KCNQ1: variants seen among roughly 807,000 people sequenced by gnomAD.
KCNQ1 encodes the protein potassium voltage-gated channel subfamily Q member 1.
KCNQ1 carries 49 observed loss-of-function variants against 72.4 expected under a neutral mutation model. That is an observed-to-expected ratio of 0.68 (90% CI 0.54 to 0.86). The LOEUF is 0.86. KCNQ1 is among the 40% of genes least tolerant of loss of function. The probability of loss-of-function intolerance (pLI) is 0.00; values close to 1 mark genes in which losing one functional copy is unlikely to be tolerated. For missense variants in KCNQ1, 790 were observed against 945.1 expected (o/e 0.84, Z 2.15); for synonymous variants, 450 against 412.6 (o/e 1.09, Z -1.10).
intron 1 of KCNQ1, among the ~76,000 whole-genome samples, chr11:2,499,598 A>G (rs1222591127): frequency 6.6e-6 from 1 of 151,348 alleles, no homozygotes; most frequent in African/African-American, 2.4e-5. Context: ...ATACACATAG[A>G]CTGAAAATTA....
intron 11 of KCNQ1, chr11:2,688,205 C>G (rs1850524942): frequency 7.5e-6 from 3 of 398,696 alleles, no homozygotes; most frequent in African/African-American, 4.1e-5. Context: ...AGGGGCTGCA[C>G]TGAGCCCACC....
In KCNQ1 at chr11:2,733,864, C is replaced by CCCT. The variant is rs55641944; in HGVS notation, c.1515-34980_1515-34979insCCT. Among the ~76,000 whole-genome samples the CCCT allele has an allele frequency of 2.8e-4, 27 of 96,420 alleles. 2 individuals carry two copies. Among genetic ancestry groups the CCCT allele is most frequent in the African/African-American group, 1.0e-3 (24 of 23,836 alleles). The allele number at this position is 96,420 out of a possible 152,430, so 63.3% of individuals were successfully genotyped here. ...CTCTCTCTCTCTCTCTCTCCCCCCCCACTTCAGGGCCTTCGCGCCCGCTGT... is the reference window on the plus strand; with the variant it reads ...CTCTCTCTCTCTCTCTCTCCCCCCCCCCTACTTCAGGGCCTTCGCGCCCGCTGT... On this transcript the variant is annotated intron_variant, in intron 11 of 15. Transcript: ENST00000155840.
At chr11:2,629,638 C>T (rs1262914842) in intron 10 of KCNQ1, 2 of 398,270 alleles carry the variant, frequency 5.0e-6, no homozygotes, top group African/African-American at 2.1e-5. Context: ...ATCATGCGTT[C>T]ATATATGAAA....
At chr11:2,688,648 CAT>C (rs1450559379) in intron 11 of KCNQ1, 1 of 398,700 alleles carries the variant, frequency 2.5e-6, no homozygotes, top group East Asian at 3.6e-5. Flanking sequence ...GCCTCCTAAA[CAT>C]AGGGCTGCCT....
Position 2,725,628 on chromosome 11 carries a change from C to T in KCNQ1, c.1515-43216C>T, listed in dbSNP as rs2283209. Among the ~76,000 whole-genome samples, 1,126 of 152,328 alleles carry T rather than the reference C, an allele frequency of 7.4e-3. 50 individuals carry two copies. The East Asian group carries it at 0.13, about 17-fold the overall frequency. On this transcript the variant is annotated intron_variant, in intron 11 of 15. Transcript: ENST00000155840. The surrounding 1 kb of genome is among the most constrained non-coding windows in gnomAD (Gnocchi z 7.2). ...GCCCCCTTCCCGAACGTACCCTTTC[C>T]ATGAGGCTGGGCGCCCTGCCCTGCC...
At chr11:2,459,415 CAGGGCTTGG>C (rs1425242887) in intron 1 of KCNQ1, among the ~76,000 whole-genome samples, 1 of 152,156 alleles carries the variant, frequency 6.6e-6, no homozygotes, top group African/African-American at 2.4e-5. Flanking sequence ...TTCCTCACTG[CAGGGCTTGG>C]AGGGAGCAGG....
In KCNQ1 at chr11:2,669,198, G is replaced by A. The variant is rs1590020505; in HGVS notation, c.1514+7117G>A. On this transcript the variant is annotated intron_variant, in intron 11 of 15. Transcript: ENST00000155840. This position sits in a 1 kb window ranked among gnomAD's most constrained non-coding sequence, Gnocchi z 5.6. The stretch of plus-strand genomic sequence containing the variant: ...AGGACCTTGCTTCCTTCTCACTGTA[G>A]TTTGCTAACAGGTTTTGACAGCTGG... 5.0e-6 allele frequency: 2 copies of A among 398,708 alleles called. No homozygotes were observed. Among genetic ancestry groups the A allele is most frequent in the Non-Finnish European group, 8.8e-6 (2 of 226,118 alleles). The allele number at this position is 398,708 out of a possible 1,614,324, so 24.7% of individuals were successfully genotyped here.
intron 15 of KCNQ1, among the ~76,000 whole-genome samples, chr11:2,846,416 C>T (rs552590227): frequency 6.6e-6 from 1 of 152,306 alleles, no homozygotes. Context: ...GGGTCTACTT[C>T]ATTCTCCACA....
rs1036284831 is a variant in KCNQ1 at position 2,593,568 on chromosome 11, C to T, written c.1393+4714C>T. Among the ~76,000 whole-genome samples, 2 of 152,146 alleles carry T rather than the reference C, an allele frequency of 1.3e-5. No homozygotes were observed. Among genetic ancestry groups the T allele is most frequent in the African/African-American group, 4.8e-5 (2 of 41,422 alleles). On this transcript the variant is annotated intron_variant, in intron 10 of 15. Coordinates refer to ENST00000155840, the MANE Select transcript of KCNQ1 (RefSeq NM_000218.3). The surrounding 1 kb of genome is among the most constrained non-coding windows in gnomAD (Gnocchi z 6.9). ...GACCTGGGACTATTGTGTGGTTTCC[C>T]GTTTGTGAAGTGGGGCAGCGTGCTG...
rs140644669 is a variant in KCNQ1 at position 2,703,182 on chromosome 11, GC to G, written c.1514+41102del. On this transcript the variant is annotated intron_variant, in intron 11 of 15. Transcript: ENST00000155840. This position sits in a 1 kb window ranked among gnomAD's most constrained non-coding sequence, Gnocchi z 6.4. ...CACCATGGCAGAATTCTGGGAGGGG[GC>G]TGCAGTCACGGCCAGCTCCCTTTCT... 0.015 allele frequency among the ~76,000 whole-genome samples: 2,264 copies of G among 152,296 alleles called. 56 individuals are homozygous for G. Among genetic ancestry groups the G allele is most frequent in the East Asian group, 0.089 (460 of 5,170 alleles).
intron 15 of KCNQ1, among the ~76,000 whole-genome samples, chr11:2,795,181 C>T (rs1847106704): frequency 6.6e-6 from 1 of 152,246 alleles, no homozygotes; most frequent in South Asian, 2.1e-4. Flanking sequence ...TCTCGCCTCC[C>T]CTACCCCCGA....
chr11:2,578,642 G>A (rs779949811), intron 6 of KCNQ1, among the ~76,000 whole-genome samples: 63 of 152,318 alleles, frequency 4.1e-4, no homozygotes, highest in Non-Finnish European at 8.4e-4. Context: ...AGTGACCTGG[G>A]AATGGCTGTG....
chr11:2,486,717 G>A lies in KCNQ1; in HGVS notation c.387-41211G>A, dbSNP rs1184153798. Among the ~76,000 whole-genome samples the A allele has an allele frequency of 2.0e-5, 3 of 152,180 alleles. No homozygotes were observed. The highest frequency in any genetic ancestry group is 6.5e-5 in the Admixed American group (1 of 15,282). The stretch of plus-strand genomic sequence containing the variant: ...TTCCAATCACGGCAGAAGGTGAAGC[G>A]GGAGTAGGTGTCTCATATGATGAGA... On this transcript the variant is annotated intron_variant, in intron 1 of 15. Coordinates refer to ENST00000155840, the MANE Select transcript of KCNQ1 (RefSeq NM_000218.3). The surrounding 1 kb of genome is among the most constrained non-coding windows in gnomAD (Gnocchi z 5.0).
chr11:2,671,295 A>G lies in KCNQ1; in HGVS notation c.1514+9214A>G, dbSNP rs1850179130. ...CCCCTTAGCCTCTGATCTTCTCCAT[A>G]AGTAATCTTTTCCCATGTGTGGCTG... On this transcript the variant is annotated intron_variant, in intron 11 of 15. Coordinates refer to ENST00000155840, the MANE Select transcript of KCNQ1 (RefSeq NM_000218.3). The surrounding 1 kb of genome is among the most constrained non-coding windows in gnomAD (Gnocchi z 4.7). 2.5e-6 allele frequency: 1 copy of G among 398,552 alleles called. No homozygotes were observed. Among genetic ancestry groups the G allele is most frequent in the East Asian group, 3.6e-5 (1 of 28,060 alleles). The allele number at this position is 398,552 out of a possible 1,614,324, so 24.7% of individuals were successfully genotyped here.
chr11:2,658,567 T>A lies in KCNQ1; in HGVS notation c.1394-3394T>A, dbSNP rs1012873426. On this transcript the variant is annotated intron_variant, in intron 10 of 15. Transcript: ENST00000155840. This position sits in a 1 kb window ranked among gnomAD's most constrained non-coding sequence, Gnocchi z 4.9. ...CTACCCTAGCCCTAGAATCATCCATTCATCCAGAGAGCCCTGGCTCCCTGG... is the reference window on the plus strand; with the variant it reads ...CTACCCTAGCCCTAGAATCATCCATACATCCAGAGAGCCCTGGCTCCCTGG... The A allele has an allele frequency of 1.2e-5, 4 of 343,390 alleles. No individual in the cohort carries two copies. Among genetic ancestry groups the A allele is most frequent in the Non-Finnish European group, 2.0e-5 (4 of 200,578 alleles). 21.3% of individuals were successfully genotyped at this position (343,390 alleles called of 1,614,324 possible).
At chr11:2,455,281 G>A (rs1846171593) in intron 1 of KCNQ1, among the ~76,000 whole-genome samples, 1 of 151,990 alleles carries the variant, frequency 6.6e-6, no homozygotes, top group Admixed American at 6.6e-5. Context: ...GTATTTTTTA[G>A]TAGAGACGGG....
Position 2,679,212 on chromosome 11 carries a change from T to C in KCNQ1, c.1514+17131T>C, listed in dbSNP as rs762408710. The C allele has an allele frequency of 3.3e-5, 13 of 398,500 alleles. No individual in the cohort carries two copies. The highest frequency in any genetic ancestry group is 5.3e-5 in the Non-Finnish European group (12 of 226,078). The allele number at this position is 398,500 out of a possible 1,614,324, so 24.7% of individuals were successfully genotyped here. ...ACCTGTAACAATGCAGCCCCATCCA[T>C]GTGAAGCTGGTCCAGAGGACTACAG... On this transcript the variant is annotated intron_variant, in intron 11 of 15. Transcript: ENST00000155840. This position sits in a 1 kb window ranked among gnomAD's most constrained non-coding sequence, Gnocchi z 4.8.
At chr11:2,708,724 G>A (rs543098642) in intron 11 of KCNQ1, among the ~76,000 whole-genome samples, 47 of 152,096 alleles carry the variant, frequency 3.1e-4, no homozygotes, top group African/African-American at 9.6e-4. Flanking sequence ...TGCGGGGGGC[G>A]GTCCATTTCC....
chr11:2,686,808 C>G (rs979791645), intron 11 of KCNQ1: 1 of 398,584 alleles, frequency 2.5e-6, no homozygotes, highest in East Asian at 3.6e-5. Flanking sequence ...CCCTGCTCAC[C>G]CCTAAAGAGC....
Sources: gnomAD v4.1 joint callset for allele counts (sites outside exome capture counted in the v4.1 genomes callset) on GRCh38, gnomAD v4.1.1 for gene constraint, Gnocchi (gnomAD v3.1) non-coding constraint, MANE v1.5 for transcripts, NCBI Gene and HGNC (gene_info 2026-07-23, HGNC 2026-07-21) for gene names.